The following SOBP variants were observed in gnomAD, a reference collection of about 807,000 sequenced individuals.
SOBP encodes sine oculis binding protein homolog, also known as sine oculis-binding protein homolog.
In SOBP, 4 loss-of-function variants were observed where a neutral mutation model predicts 53.6. That is an observed-to-expected ratio of 0.07 (90% CI 0.04 to 0.17). The LOEUF is 0.17. Ranked by LOEUF, SOBP falls within the 10% of genes least tolerant of loss-of-function variation. The probability of loss-of-function intolerance (pLI) is 1.00; values close to 1 mark genes in which losing one functional copy is unlikely to be tolerated. For missense variants in SOBP, 1,088 were observed against 1,204.7 expected (o/e 0.90, Z 1.43); for synonymous variants, 584 against 522.6 (o/e 1.12, Z -1.60).
At chr6:107,508,898 T>A (rs1783077986) in intron 3 of SOBP, among the ~76,000 whole-genome samples, 1 of 152,168 alleles carries the variant, frequency 6.6e-6, no homozygotes, top group Non-Finnish European at 1.5e-5. Flanking sequence ...GAGATGATGA[T>A]GAAGGTATCA....
At chr6:107,550,238 G>A (rs1784424842) in intron 4 of SOBP, among the ~76,000 whole-genome samples, 1 of 152,190 alleles carries the variant, frequency 6.6e-6, no homozygotes, top group African/African-American at 2.4e-5. Flanking sequence ...ACAGACTGGT[G>A]TCTGTAAAAC....
intron 3 of SOBP, among the ~76,000 whole-genome samples, chr6:107,523,862 G>GGCACATCAA (rs1783585120): frequency 6.6e-6 from 1 of 152,210 alleles, no homozygotes; most frequent in Admixed American, 6.5e-5. Context: ...TTACACTAGG[G>GGCACATCAA]GCAGCCATGG....
rs1554190839 is a variant in SOBP at position 107,634,814 on chromosome 6, C to G, written c.1970C>G (p.Thr657Ser). The change falls in exon 6 of 7, where the codon ACC becomes AGC. Residue 657 changes from threonine (T) to serine (S), a missense_variant. This residue lies in a region of SOBP where 665 missense variants were observed against 629.7 expected (regional missense o/e 1.06). Coordinates refer to ENST00000317357, the MANE Select transcript of SOBP (RefSeq NM_018013.4). This position sits in a 1 kb window ranked among gnomAD's most constrained non-coding sequence, Gnocchi z 4.5. ...QGPQDGVIDL[T>S]VGHRARLHNV... ...CCGCAGGACGGCGTCATCGACCTGA[C>G]CGTGGGCCACCGAGCCCGGCTGCAC... 7.1e-7 allele frequency: 1 copy of G among 1,408,666 alleles called. No homozygotes were observed. The highest frequency in any genetic ancestry group is 9.3e-7 in the Non-Finnish European group (1 of 1,078,324). 87.3% of individuals were successfully genotyped at this position (1,408,666 alleles called of 1,614,324 possible). A position where few individuals can be genotyped will look rare whatever the true frequency, so the allele number is the denominator to read the frequency against.
chr6:107,566,018 C>T (rs949396627), intron 4 of SOBP, among the ~76,000 whole-genome samples: 20 of 152,226 alleles, frequency 1.3e-4, no homozygotes, highest in Non-Finnish European at 2.5e-4. Context: ...AGGGAGCTGA[C>T]ATCTGCCACT....
intron 6 of SOBP, among the ~76,000 whole-genome samples, chr6:107,645,831 T>C (rs1771533114): frequency 6.6e-6 from 1 of 151,678 alleles, no homozygotes; most frequent in South Asian, 2.1e-4. Context: ...GGTGGAGAAA[T>C]GAGGGGTGAA....
At chr6:107,552,399 G>A (rs1784484704) in intron 4 of SOBP, among the ~76,000 whole-genome samples, 1 of 152,210 alleles carries the variant, frequency 6.6e-6, no homozygotes. Flanking sequence ...TGAAGCTGTT[G>A]TATCAGGTGA....
intron 4 of SOBP, among the ~76,000 whole-genome samples, chr6:107,553,721 C>T (rs1362789955): frequency 3.3e-5 from 5 of 152,008 alleles, no homozygotes; most frequent in Non-Finnish European, 5.9e-5. Flanking sequence ...CTCCTGACCT[C>T]GTGATCCACC....
intron 5 of SOBP, among the ~76,000 whole-genome samples, chr6:107,621,887 G>A (rs1770197050): frequency 6.6e-6 from 1 of 152,174 alleles, no homozygotes; most frequent in Non-Finnish European, 1.5e-5. Context: ...TGGGGGTCAA[G>A]TGTTTTGTTG....
At chr6:107,580,330 A>G (rs1339920779) in intron 4 of SOBP, among the ~76,000 whole-genome samples, 5 of 152,244 alleles carry the variant, frequency 3.3e-5, no homozygotes. Context: ...TTGCATAGAA[A>G]TAACTCGTAT....
chr6:107,625,280 G>T (rs549032580), intron 5 of SOBP, among the ~76,000 whole-genome samples: 33 of 152,308 alleles, frequency 2.2e-4, no homozygotes, highest in African/African-American at 6.5e-4. Flanking sequence ...GGGCAGAGAT[G>T]GATACCAGGG....
chr6:107,603,358 C>T (rs746114159), intron 5 of SOBP, among the ~76,000 whole-genome samples: 10 of 152,232 alleles, frequency 6.6e-5, no homozygotes, highest in Non-Finnish European at 1.3e-4. Flanking sequence ...GCACTCCTGG[C>T]CTGTCAGGAC....
intron 6 of SOBP, among the ~76,000 whole-genome samples, chr6:107,650,451 A>G (rs941122325): frequency 2.0e-5 from 3 of 152,206 alleles, no homozygotes; most frequent in Non-Finnish European, 4.4e-5. Context: ...AAGTCTATCA[A>G]TGCCATTTTT....
chr6:107,598,471 AT>A, intron 5 of SOBP, among the ~76,000 whole-genome samples: 1 of 152,272 alleles, frequency 6.6e-6, no homozygotes, highest in South Asian at 2.1e-4. Flanking sequence ...CGCATCATGC[AT>A]ATGGGGGCCA....
At chr6:107,559,288 G>T (rs952982810) in intron 4 of SOBP, among the ~76,000 whole-genome samples, 3 of 151,880 alleles carry the variant, frequency 2.0e-5, no homozygotes, top group African/African-American at 4.8e-5. Flanking sequence ...TACTTCCCAC[G>T]CTACACCGAC....
chr6:107,527,967 C>T (rs1295022804), intron 3 of SOBP, among the ~76,000 whole-genome samples: 1 of 152,202 alleles, frequency 6.6e-6, no homozygotes, highest in African/African-American at 2.4e-5. Flanking sequence ...ACACTGCCTT[C>T]CTTTGGCTGC....
At chr6:107,508,859 G>C (rs533824281) in intron 3 of SOBP, among the ~76,000 whole-genome samples, 1 of 152,302 alleles carries the variant, frequency 6.6e-6, no homozygotes, top group African/African-American at 2.4e-5. Flanking sequence ...GTTTACGTTT[G>C]AATATATGCC....
intron 3 of SOBP, among the ~76,000 whole-genome samples, chr6:107,532,106 A>G (rs1427667286): frequency 6.6e-6 from 1 of 152,200 alleles, no homozygotes; most frequent in African/African-American, 2.4e-5. Context: ...GATTTTATCC[A>G]GAAATCAGAC....
chr6:107,582,383 G>A (rs947807994), intron 4 of SOBP, among the ~76,000 whole-genome samples: 1 of 152,136 alleles, frequency 6.6e-6, no homozygotes, highest in African/African-American at 2.4e-5. Context: ...TGAATACAAA[G>A]TTTGTTTAAA....
intron 5 of SOBP, among the ~76,000 whole-genome samples, chr6:107,612,027 A>G (rs1466775252): frequency 1.3e-5 from 2 of 152,156 alleles, no homozygotes; most frequent in Non-Finnish European, 1.5e-5. Flanking sequence ...GTTCTTTTGA[A>G]CCTTTAAGCA....
Sources: allele counts gnomAD v4.1 joint callset (sites outside exome capture counted in the v4.1 genomes callset), GRCh38; gene constraint gnomAD v4.1.1; regional missense constraint gnomAD v4.1.1; non-coding constraint Gnocchi (gnomAD v3.1); transcripts MANE v1.5; gene names NCBI Gene and HGNC (gene_info 2026-07-23, HGNC 2026-07-21).